The following CHSY3 variants were observed in gnomAD, a reference collection of about 807,000 sequenced individuals.
CHSY3 encodes the protein N-acetylgalactosaminyl-proteoglycan 3-beta-glucuronosyltransferase 3.
In CHSY3, 35 loss-of-function variants were observed where a neutral mutation model predicts 67.2. The observed-to-expected ratio is 0.52, with a 90% CI of 0.40 to 0.69. The LOEUF is 0.69. CHSY3 is among the 30% of genes least tolerant of loss of function. The pLI is 0.00. For synonymous variants in CHSY3, 474 were observed against 434.7 expected (o/e 1.09, Z -1.12); for missense variants, 1,069 against 1,138.5 (o/e 0.94, Z 0.88).
intron 2 of CHSY3, among the ~76,000 whole-genome samples, chr5:129,979,723 A>T (rs373225106): frequency 5.9e-5 from 9 of 152,340 alleles, no homozygotes; most frequent in East Asian, 5.8e-4. Flanking sequence ...TACGGAGTAC[A>T]TTATAAATAT....
At chr5:129,931,157 A>G (rs1237905438) in intron 2 of CHSY3, among the ~76,000 whole-genome samples, 3 of 152,248 alleles carry the variant, frequency 2.0e-5, no homozygotes, top group African/African-American at 4.8e-5. Context: ...TGTGAAAAAT[A>G]TATCCGGCCT....
At chr5:129,974,730 A>T (rs746637223) in intron 2 of CHSY3, among the ~76,000 whole-genome samples, 18 of 152,262 alleles carry the variant, frequency 1.2e-4, no homozygotes, top group South Asian at 4.1e-4. Flanking sequence ...AGCACAGCAC[A>T]TTGAAAATGT....
At chr5:129,959,629 A>G (rs77239150) in intron 2 of CHSY3, among the ~76,000 whole-genome samples, 162 of 152,258 alleles carry the variant, frequency 1.1e-3, no homozygotes, top group African/African-American at 3.8e-3. Flanking sequence ...TTCAGTTTGA[A>G]TATGCAGCTA....
chr5:130,173,912 T>C (rs1769969080), intron 2 of CHSY3, among the ~76,000 whole-genome samples: 1 of 151,976 alleles, frequency 6.6e-6, no homozygotes, highest in South Asian at 2.1e-4. Context: ...CTGCAGACAA[T>C]AATTGAGGGC....
intron 2 of CHSY3, among the ~76,000 whole-genome samples, chr5:129,994,424 T>C (rs1763466739): frequency 6.6e-6 from 1 of 152,164 alleles, no homozygotes; most frequent in Non-Finnish European, 1.5e-5. Flanking sequence ...TTTATTCTTT[T>C]TTCTCTAAAC....
At chr5:129,919,108 C>T (rs1259708382) in intron 2 of CHSY3, among the ~76,000 whole-genome samples, 3 of 53,020 alleles carry the variant, frequency 5.7e-5, no homozygotes, top group East Asian at 6.2e-4. Context: ...AGCGAGACTC[C>T]GTCTCAAAAA....
At chr5:130,117,508 T>C (rs984118479) in intron 2 of CHSY3, among the ~76,000 whole-genome samples, 2 of 152,238 alleles carry the variant, frequency 1.3e-5, no homozygotes, top group Non-Finnish European at 2.9e-5. Flanking sequence ...AGAGACATTC[T>C]GTCAATAGTT....
chr5:129,966,467 C>T (rs946363849), intron 2 of CHSY3, among the ~76,000 whole-genome samples: 1 of 151,584 alleles, frequency 6.6e-6, no homozygotes, highest in Non-Finnish European at 1.5e-5. Flanking sequence ...AATGTAAGAT[C>T]CATGTCATAA....
intron 2 of CHSY3, among the ~76,000 whole-genome samples, chr5:130,147,476 G>C (rs1255581157): frequency 2.0e-5 from 3 of 152,082 alleles, no homozygotes; most frequent in South Asian, 2.1e-4. Context: ...AGAAAATGAC[G>C]TTCCTTTTAT....
At chr5:129,958,699 T>G (rs1368205894) in intron 2 of CHSY3, among the ~76,000 whole-genome samples, 1 of 152,076 alleles carries the variant, frequency 6.6e-6, no homozygotes, top group African/African-American at 2.4e-5. Flanking sequence ...TCTGGCTATT[T>G]ATTTATTTAC....
intron 2 of CHSY3, among the ~76,000 whole-genome samples, chr5:130,020,983 C>T (rs547762296): frequency 2.2e-3 from 342 of 152,134 alleles, no homozygotes; most frequent in Admixed American, 4.1e-3. Flanking sequence ...TTGTGTCCTC[C>T]GTAATTGGTG....
intron 2 of CHSY3, among the ~76,000 whole-genome samples, chr5:130,074,735 T>A (rs1766196998): frequency 6.6e-6 from 1 of 152,204 alleles, no homozygotes; most frequent in African/African-American, 2.4e-5. Flanking sequence ...GTTTTTACAT[T>A]GACATAATGT....
chr5:130,015,045 A>G (rs1303960383), intron 2 of CHSY3, among the ~76,000 whole-genome samples: 2 of 152,166 alleles, frequency 1.3e-5, no homozygotes, highest in Non-Finnish European at 2.9e-5. Flanking sequence ...TGTAATTCCC[A>G]CTGTTAGAGG....
chr5:129,915,204 C>T (rs1760694196), intron 2 of CHSY3, among the ~76,000 whole-genome samples: 1 of 152,022 alleles, frequency 6.6e-6, no homozygotes, highest in East Asian at 1.9e-4. Flanking sequence ...TAAAAAAATT[C>T]ATTGAAATTA....
intron 2 of CHSY3, among the ~76,000 whole-genome samples, chr5:130,010,820 C>CA (rs1022318108): frequency 5.9e-5 from 9 of 151,728 alleles, no homozygotes; most frequent in Non-Finnish European, 1.2e-4. Context: ...GAAACACACA[C>CA]AAAAAAATAG....
intron 2 of CHSY3, among the ~76,000 whole-genome samples, chr5:130,123,708 G>A (rs1246135714): frequency 6.6e-6 from 1 of 151,986 alleles, no homozygotes; most frequent in Non-Finnish European, 1.5e-5. Flanking sequence ...CACAATCAGT[G>A]CCCTAAAATA....
At chr5:129,990,773 T>A (rs539036495) in intron 2 of CHSY3, among the ~76,000 whole-genome samples, 1 of 152,226 alleles carries the variant, frequency 6.6e-6, no homozygotes, top group Middle Eastern at 3.4e-3. Flanking sequence ...GGTTAGAATC[T>A]GAGAGTGACA....
chr5:130,072,954 A>C (rs1226848779), intron 2 of CHSY3, among the ~76,000 whole-genome samples: 4 of 152,178 alleles, frequency 2.6e-5, no homozygotes, highest in African/African-American at 7.2e-5. Context: ...AGTCTCCCAG[A>C]AACAGTGTAA....
At chr5:130,122,924 A>C (rs980772090) in intron 2 of CHSY3, among the ~76,000 whole-genome samples, 5 of 152,160 alleles carry the variant, frequency 3.3e-5, no homozygotes, top group African/African-American at 1.2e-4. Context: ...TTGTCCAGAG[A>C]GATGATGTTA....
Sources: gnomAD v4.1 joint callset for allele counts (sites outside exome capture counted in the v4.1 genomes callset) on GRCh38, gnomAD v4.1.1 for gene constraint, MANE v1.5 for transcripts, NCBI Gene and HGNC (gene_info 2026-07-23, HGNC 2026-07-21) for gene names.